CDK8: variants seen among roughly 807,000 people sequenced by gnomAD.
The protein encoded by CDK8 is cyclin dependent kinase 8, also known as cyclin-dependent kinase 8.
A neutral mutation model predicts 71.5 loss-of-function variants in CDK8; 29 were observed. The observed-to-expected ratio is 0.41, with a 90% CI of 0.30 to 0.55. The LOEUF is 0.55. Among genes scored for constraint, CDK8 ranks in the 20% least tolerant of loss-of-function variants. The pLI is 0.37. For synonymous variants in CDK8, 161 were observed against 192.1 expected, an observed-to-expected ratio of 0.84 and a Z score of 1.34; for missense variants, 288 against 572.6, an observed-to-expected ratio of 0.50 and a Z score of 5.07.
At chr13:26,355,841 A>G (rs973899178) in intron 4 of CDK8, among the ~76,000 whole-genome samples, 8 of 152,026 alleles carry the variant, frequency 5.3e-5, no homozygotes, top group Non-Finnish European at 1.2e-4. Flanking sequence ...ATAGCTCTAC[A>G]TTTTCTTTTT....
intron 1 of CDK8, among the ~76,000 whole-genome samples, chr13:26,272,085 G>A (rs1342531946): frequency 1.3e-5 from 2 of 151,642 alleles, no homozygotes; most frequent in Non-Finnish European, 2.9e-5. Context: ...AAACTTTTCA[G>A]TTTTTTAAAA....
intron 2 of CDK8, among the ~76,000 whole-genome samples, chr13:26,339,732 A>ATTTAT (rs1873149679): frequency 2.5e-5 from 2 of 80,616 alleles, no homozygotes; most frequent in Non-Finnish European, 5.8e-5. Flanking sequence ...TATTTATTTT[A>ATTTAT]TTTATATAAT....
intron 4 of CDK8, among the ~76,000 whole-genome samples, chr13:26,371,008 G>A (rs1009036511): frequency 2.0e-5 from 3 of 151,856 alleles, no homozygotes; most frequent in Non-Finnish European, 4.4e-5. Context: ...GTGATCATAG[G>A]CAATTAGGGG....
intron 1 of CDK8, among the ~76,000 whole-genome samples, chr13:26,278,456 G>A (rs1464874696): frequency 6.6e-6 from 1 of 152,214 alleles, no homozygotes. Context: ...CCATCTAGTA[G>A]TGAGGGAAAG....
At chr13:26,313,916 G>T (rs1415620961) in intron 1 of CDK8, among the ~76,000 whole-genome samples, 4 of 152,170 alleles carry the variant, frequency 2.6e-5, no homozygotes, top group South Asian at 2.1e-4. Flanking sequence ...AAAAGAAAAT[G>T]ATGTCCAGGT....
At chr13:26,327,073 C>G (rs911500506) in intron 1 of CDK8, among the ~76,000 whole-genome samples, 1 of 152,010 alleles carries the variant, frequency 6.6e-6, no homozygotes, top group Non-Finnish European at 1.5e-5. Flanking sequence ...ATACTGAAAT[C>G]TAGAAACAAA....
In CDK8 at chr13:26,254,804, G is replaced by C. The variant is rs376295592; in HGVS notation, c.128+35G>C. On this transcript the variant is annotated intron_variant, in intron 1 of 12. Coordinates refer to ENST00000381527, the MANE Select transcript of CDK8 (RefSeq NM_001260.3). The surrounding 1 kb of genome is among the most constrained non-coding windows in gnomAD (Gnocchi z 6.7). Reference sequence around the variant, plus strand: ...TGTGTCTGGGCCGGTGTCCGCGCTGGGCGGCGCTCCCGCAGGCCGAGGCAG... The same window carrying C: ...TGTGTCTGGGCCGGTGTCCGCGCTGCGCGGCGCTCCCGCAGGCCGAGGCAG... 2.5e-6 allele frequency: 4 copies of C among 1,603,634 alleles called. No homozygotes were observed. Among genetic ancestry groups the C allele is most frequent in the Non-Finnish European group, 3.4e-6 (4 of 1,173,962 alleles).
chr13:26,325,492 T>A (rs900715900), intron 1 of CDK8, among the ~76,000 whole-genome samples: 1 of 152,212 alleles, frequency 6.6e-6, no homozygotes, highest in African/African-American at 2.4e-5. Flanking sequence ...CCAAAACTTA[T>A]TAGCCTGCTC....
intron 9 of CDK8, among the ~76,000 whole-genome samples, chr13:26,399,602 A>T (rs1359845526): frequency 6.6e-6 from 1 of 152,234 alleles, no homozygotes; most frequent in Non-Finnish European, 1.5e-5. Flanking sequence ...AAAAATACTG[A>T]ATCTTCACAT....
chr13:26,380,176 A>G (rs1262012076), intron 4 of CDK8, among the ~76,000 whole-genome samples: 1 of 152,084 alleles, frequency 6.6e-6, no homozygotes, highest in Non-Finnish European at 1.5e-5. Flanking sequence ...AAGTTAAAGT[A>G]GAAGTAGGTG....
intron 1 of CDK8, among the ~76,000 whole-genome samples, chr13:26,337,152 TA>T (rs1873030145): frequency 6.6e-6 from 1 of 152,226 alleles, no homozygotes; most frequent in African/African-American, 2.4e-5. Context: ...TGTTTTAAAT[TA>T]TAACCATTTT....
chr13:26,314,146 C>T (rs1260815194), intron 1 of CDK8, among the ~76,000 whole-genome samples: 2 of 152,164 alleles, frequency 1.3e-5, no homozygotes, highest in East Asian at 1.9e-4. Flanking sequence ...TTCTATCATG[C>T]CGTGGATGGC....
At chr13:26,291,534 T>A (rs1429415172) in intron 1 of CDK8, among the ~76,000 whole-genome samples, 1 of 152,162 alleles carries the variant, frequency 6.6e-6, no homozygotes, top group East Asian at 1.9e-4. Context: ...AAAGTAGAAT[T>A]GCACTGTAAA....
chr13:26,356,756 A>C (rs1873915651), intron 4 of CDK8, among the ~76,000 whole-genome samples: 1 of 152,222 alleles, frequency 6.6e-6, no homozygotes, highest in Non-Finnish European at 1.5e-5. Context: ...AAGCTGTATC[A>C]CATAACTTTT....
intron 1 of CDK8, among the ~76,000 whole-genome samples, chr13:26,287,687 C>T (rs1217911093): frequency 1.3e-5 from 2 of 152,056 alleles, no homozygotes; most frequent in African/African-American, 4.8e-5. Context: ...TTCCATGCAA[C>T]CACACACCGC....
chr13:26,363,048 A>T (rs1225075903), intron 4 of CDK8, among the ~76,000 whole-genome samples: 1 of 148,850 alleles, frequency 6.7e-6, no homozygotes, highest in African/African-American at 2.5e-5. Context: ...AGAAATTTGG[A>T]GTATTTCTCA....
intron 2 of CDK8, 41 bp downstream of exon 2, chr13:26,337,683 T>A: frequency 1.1e-6 from 1 of 899,584 alleles, no homozygotes; most frequent in Non-Finnish European, 1.6e-6. Flanking sequence ...ATCAACTGAC[T>A]TATGAGTACC....
chr13:26,311,829 TA>T (rs1272007833), intron 1 of CDK8, among the ~76,000 whole-genome samples: 5 of 152,236 alleles, frequency 3.3e-5, no homozygotes, highest in Non-Finnish European at 7.3e-5. Context: ...GCAAAAGAAG[TA>T]AGATTATCTT....
chr13:26,397,818 A>G (rs1204405914), intron 9 of CDK8, among the ~76,000 whole-genome samples: 1 of 152,212 alleles, frequency 6.6e-6, no homozygotes, highest in Admixed American at 6.5e-5. Context: ...ATATACAGCC[A>G]TTACCAACTT....
Sources: allele counts gnomAD v4.1 joint callset (sites outside exome capture counted in the v4.1 genomes callset), GRCh38; gene constraint gnomAD v4.1.1; non-coding constraint Gnocchi (gnomAD v3.1); transcripts MANE v1.5; gene names NCBI Gene and HGNC (gene_info 2026-07-23, HGNC 2026-07-21).